The following DENND1B variants were observed in gnomAD, a reference collection of about 807,000 sequenced individuals.
DENND1B encodes DENN domain containing 1B.
In DENND1B, 59 loss-of-function variants were observed where a neutral mutation model predicts 90.1. That is an observed-to-expected ratio of 0.65 (90% CI 0.53 to 0.81). The LOEUF is 0.81. Among genes scored for constraint, DENND1B ranks in the 40% least tolerant of loss-of-function variants. The pLI, the probability that DENND1B is intolerant of heterozygous loss-of-function variation, is 0.00. For missense variants in DENND1B, 862 were observed against 912.6 expected (o/e 0.94, Z 0.71); for synonymous variants, 337 against 324.6 (o/e 1.04, Z -0.41).
chr1:197,511,979 T>C, intron 21 of DENND1B, 35 bp from the exon 22 acceptor site: 1 of 1,514,830 alleles, frequency 6.6e-7, no homozygotes, highest in East Asian at 2.3e-5. Flanking sequence ...AGTAGGTAAA[T>C]AACCATATTT....
intron 2 of DENND1B, among the ~76,000 whole-genome samples, chr1:197,770,298 G>A (rs531931707): frequency 6.6e-6 from 1 of 152,154 alleles, no homozygotes; most frequent in Non-Finnish European, 1.5e-5. Flanking sequence ...TACAAATGAA[G>A]ATGTTTCTAA....
At chr1:197,636,799 C>T (rs187956823) in intron 10 of DENND1B, among the ~76,000 whole-genome samples, 7 of 151,864 alleles carry the variant, frequency 4.6e-5, no homozygotes, top group Admixed American at 3.9e-4. Flanking sequence ...GAACAGGAAT[C>T]GGAGAAGAAA....
chr1:197,515,979 C>T (rs1553274816), intron 20 of DENND1B, among the ~76,000 whole-genome samples: 1 of 151,722 alleles, frequency 6.6e-6, no homozygotes, highest in Non-Finnish European at 1.5e-5. Flanking sequence ...TTAAGTCCAA[C>T]TTTTTTTATG....
At chr1:197,688,677 C>T (rs1272761118) in intron 3 of DENND1B, 1 of 152,268 alleles carries the variant, frequency 6.6e-6, no homozygotes, top group Non-Finnish European at 1.5e-5. Context: ...TCAAAATGGA[C>T]AAAAGACCTA....
chr1:197,675,406 T>G (rs977744101), intron 3 of DENND1B, among the ~76,000 whole-genome samples: 1 of 152,068 alleles, frequency 6.6e-6, no homozygotes. Flanking sequence ...CTTCAGTGCC[T>G]TAATGCACAT....
At chr1:197,753,130 T>A (rs1445218915) in intron 2 of DENND1B, among the ~76,000 whole-genome samples, 5 of 150,734 alleles carry the variant, frequency 3.3e-5, no homozygotes, top group Admixed American at 2.6e-4. Context: ...AATTAAAAGA[T>A]AAATGTTAAA....
chr1:197,652,636 G>A (rs1653362719), intron 6 of DENND1B, among the ~76,000 whole-genome samples: 1 of 151,782 alleles, frequency 6.6e-6, no homozygotes, highest in Non-Finnish European at 1.5e-5. Flanking sequence ...AATAAGAACT[G>A]GATTGAATAA....
At chr1:197,624,696 G>C (rs990205399) in intron 10 of DENND1B, among the ~76,000 whole-genome samples, 15 of 151,842 alleles carry the variant, frequency 9.9e-5, no homozygotes, top group Admixed American at 3.9e-4. Context: ...AGAGAAGAAG[G>C]CTTCAGACGA....
At chr1:197,524,893 A>T (rs1452417356) in intron 20 of DENND1B, among the ~76,000 whole-genome samples, 1 of 152,212 alleles carries the variant, frequency 6.6e-6, no homozygotes, top group Non-Finnish European at 1.5e-5. Context: ...GAATATGAGA[A>T]ATCAGAACTG....
At chr1:197,550,408 T>C (rs1671130467) in intron 16 of DENND1B, among the ~76,000 whole-genome samples, 1 of 152,094 alleles carries the variant, frequency 6.6e-6, no homozygotes, top group South Asian at 2.1e-4. Context: ...TCAATAAAAA[T>C]GAGGTAATGA....
Position 197,507,590 on chromosome 1 carries a change from T to C in DENND1B, c.*2870A>G, listed in dbSNP as rs1286055401. ...TCCATTGCAGGCCAGATAAAGACTA[T>C]GTACCAAGGCCAAAAGTCTTTTTAG... On this transcript the variant is annotated 3_prime_UTR_variant, in exon 23 of 23. Coordinates refer to ENST00000620048, the MANE Select transcript of DENND1B (RefSeq NM_001195215.2). 7 of 151,536 alleles carry C rather than the reference T, an allele frequency of 4.6e-5. No homozygotes were observed. Among genetic ancestry groups the C allele is most frequent in the East Asian group, 1.9e-4 (1 of 5,150 alleles). 9.4% of individuals were successfully genotyped at this position (151,536 alleles called of 1,614,324 possible). A position where few individuals can be genotyped will look rare whatever the true frequency, so the allele number is the denominator to read the frequency against.
At chr1:197,717,774 C>T (rs1367553802) in intron 2 of DENND1B, among the ~76,000 whole-genome samples, 1 of 151,654 alleles carries the variant, frequency 6.6e-6, no homozygotes, top group African/African-American at 2.4e-5. Context: ...TAACTGAAAA[C>T]AAAATTAAAA....
chr1:197,713,973 A>ATATATGTATG (rs1474536742), intron 3 of DENND1B, among the ~76,000 whole-genome samples: 2 of 94,054 alleles, frequency 2.1e-5, no homozygotes, highest in African/African-American at 7.8e-5. Context: ...TATCACCCAT[A>ATATATGTATG]TATATGTATA....
chr1:197,534,354 C>T (rs1558209893), intron 20 of DENND1B, among the ~76,000 whole-genome samples: 2 of 152,108 alleles, frequency 1.3e-5, no homozygotes, highest in African/African-American at 2.4e-5. Flanking sequence ...ATAGAAACAG[C>T]ACAGAAAAGA....
chr1:197,635,291 A>G (rs1431786558), intron 10 of DENND1B, among the ~76,000 whole-genome samples: 3 of 152,136 alleles, frequency 2.0e-5, no homozygotes, highest in African/African-American at 7.2e-5. Context: ...TTATTCTTCA[A>G]TACATACATG....
intron 14 of DENND1B, among the ~76,000 whole-genome samples, chr1:197,586,811 C>T (rs563429596): frequency 2.0e-5 from 3 of 152,096 alleles, no homozygotes; most frequent in Non-Finnish European, 4.4e-5. Flanking sequence ...AAGCTTCAGC[C>T]GAATCCCATG....
At chr1:197,551,935 T>C (rs1381645436) in intron 16 of DENND1B, among the ~76,000 whole-genome samples, 1 of 152,126 alleles carries the variant, frequency 6.6e-6, no homozygotes, top group African/African-American at 2.4e-5. Flanking sequence ...TTCCCCAAGC[T>C]AAATGCTTTC....
At chr1:197,690,383 GA>G in intron 3 of DENND1B, 2 of 170,906 alleles carry the variant, frequency 1.2e-5, no homozygotes, top group Non-Finnish European at 1.3e-5. Flanking sequence ...TTGCTTGATT[GA>G]AGCAAGATTG....
Position 197,707,766 on chromosome 1 carries a change from A to G in DENND1B, c.126+7265T>C, listed in dbSNP as rs868769459. Among the ~76,000 whole-genome samples the G allele has an allele frequency of 5.4e-5, 8 of 149,000 alleles. No individual in the cohort carries two copies. In the Middle Eastern group the frequency reaches 0.01, roughly 195 times the overall value. ...GGAACAGCTCCGGTCTACAGCTCCC[A>G]GCGTGAGCGACGCAGAAGACGGGTG... On this transcript the variant is annotated intron_variant, in intron 3 of 22. Transcript: ENST00000620048.
Sources: allele counts gnomAD v4.1 joint callset (sites outside exome capture counted in the v4.1 genomes callset), GRCh38; gene constraint gnomAD v4.1.1; transcripts MANE v1.5; gene names NCBI Gene and HGNC (gene_info 2026-07-23, HGNC 2026-07-21).